The following HDAC9 variants were observed in gnomAD, a reference collection of about 807,000 sequenced individuals.
HDAC9 encodes histone deacetylase 9, also known as MEF-2 interacting transcription repressor (MITR) protein.
In HDAC9, 41 loss-of-function variants were observed where a neutral mutation model predicts 139.4. That is an observed-to-expected ratio of 0.29 (90% CI 0.23 to 0.38). The LOEUF (loss-of-function observed/expected upper bound fraction) is 0.38, where lower values mean the gene tolerates loss of function less well. HDAC9 is among the 10% of genes least tolerant of loss of function. The pLI is 1.00. For missense variants in HDAC9, 1,147 were observed against 1,297.0 expected (o/e 0.88, Z 1.78); for synonymous variants, 517 against 476.2 (o/e 1.09, Z -1.12).
intron 6 of HDAC9, among the ~76,000 whole-genome samples, chr7:18,595,349 T>A (rs1464156343): frequency 6.6e-6 from 1 of 152,012 alleles, no homozygotes; most frequent in Non-Finnish European, 1.5e-5. Context: ...CAAATCAGAG[T>A]GTCTTATAAA....
In HDAC9 at chr7:18,981,917, T is replaced by C. The variant is rs1009226416; in HGVS notation, c.3170+5964T>C. Among the ~76,000 whole-genome samples, 3 of 151,834 alleles carry C rather than the reference T, an allele frequency of 2.0e-5. No homozygotes were observed. The East Asian group carries it at 5.8e-4, about 29-fold the overall frequency. ...TCAACTATAATAAATGACAAGTCTT[T>C]GATAAGATTGAAATAGGGTCCTGCA... On this transcript the variant is annotated intron_variant, in intron 25 of 25. Coordinates refer to ENST00000686413, the MANE Select transcript of HDAC9 (RefSeq NM_178425.4).
chr7:18,830,564 G>A (rs548080667), intron 19 of HDAC9, among the ~76,000 whole-genome samples: 1 of 152,222 alleles, frequency 6.6e-6, no homozygotes, highest in East Asian at 1.9e-4. Context: ...CAGTTAAGCA[G>A]GCACACCAAA....
chr7:18,392,480 C>G (rs1786624407), intron 1 of HDAC9, among the ~76,000 whole-genome samples: 1 of 151,764 alleles, frequency 6.6e-6, no homozygotes, highest in African/African-American at 2.4e-5. Flanking sequence ...ATGTTAAAAT[C>G]CGTTACTGGT....
chr7:18,476,285 T>A (rs1363332120), intron 1 of HDAC9, among the ~76,000 whole-genome samples: 2 of 152,098 alleles, frequency 1.3e-5, no homozygotes, highest in African/African-American at 2.4e-5. Context: ...CCACAAAGAC[T>A]AGTAGATTCA....
intron 2 of HDAC9, among the ~76,000 whole-genome samples, chr7:18,546,350 G>A (rs1259198067): frequency 6.6e-6 from 1 of 152,142 alleles, no homozygotes; most frequent in Admixed American, 6.5e-5. Context: ...GTCACATCTG[G>A]ATCAAGGCAT....
intron 12 of HDAC9, among the ~76,000 whole-genome samples, chr7:18,706,146 C>T (rs1783889446): frequency 7.1e-6 from 1 of 140,862 alleles, no homozygotes; most frequent in Admixed American, 7.3e-5. Context: ...TTTTGATCCT[C>T]TCTGAAAGTT....
chr7:18,516,496 C>G (rs576435355), intron 2 of HDAC9, among the ~76,000 whole-genome samples: 1 of 152,140 alleles, frequency 6.6e-6, no homozygotes, highest in African/African-American at 2.4e-5. Flanking sequence ...ACAACTCAAC[C>G]TTCCTCTCAC....
chr7:18,242,781 G>T (rs1794268490), intron 2 of HDAC9, among the ~76,000 whole-genome samples: 1 of 151,934 alleles, frequency 6.6e-6, no homozygotes, highest in South Asian at 2.1e-4. Context: ...GTTTCTGTCA[G>T]TTCCTTAGTC....
chr7:18,856,441 C>T (rs1272003593), intron 21 of HDAC9, among the ~76,000 whole-genome samples: 1 of 152,052 alleles, frequency 6.6e-6, no homozygotes, highest in African/African-American at 2.4e-5. Context: ...ATCTCTCCAC[C>T]ACTCATGGCT....
At chr7:18,668,954 GA>G (rs921488101) in intron 12 of HDAC9, 1 of 885,688 alleles carries the variant, frequency 1.1e-6, no homozygotes, top group Non-Finnish European at 1.3e-6. Flanking sequence ...GTTGAAACAA[GA>G]AAATAAAGAC....
chr7:18,293,860 G>A (rs1003210394), intron 1 of HDAC9, among the ~76,000 whole-genome samples: 17 of 152,016 alleles, frequency 1.1e-4, no homozygotes, highest in African/African-American at 4.1e-4. Flanking sequence ...AATGCATTAT[G>A]TCACTGCTAT....
intron 13 of HDAC9, among the ~76,000 whole-genome samples, chr7:18,738,122 CT>C (rs1461795653): frequency 1.3e-5 from 2 of 152,116 alleles, no homozygotes; most frequent in African/African-American, 2.4e-5. Flanking sequence ...GTAGATCTTC[CT>C]CCATCCCTTT....
Position 18,830,697 on chromosome 7 carries a change from A to G in HDAC9, c.2466+1149A>G, listed in dbSNP as rs1334787752. The stretch of plus-strand genomic sequence containing the variant: ...TCGTTGCAATGGGTATTTTTCACAC[A>G]CTATATTGAAGCATTCCTGCAAGCA... On this transcript the variant is annotated intron_variant, in intron 19 of 25. Coordinates refer to ENST00000686413, the MANE Select transcript of HDAC9 (RefSeq NM_178425.4). 2.0e-5 allele frequency among the ~76,000 whole-genome samples: 3 copies of G among 152,168 alleles called. No individual in the cohort carries two copies. In the East Asian group the frequency reaches 5.8e-4, roughly 29 times the overall value.
At chr7:18,517,668 T>TG (rs1436728506) in intron 2 of HDAC9, 1 of 152,224 alleles carries the variant, frequency 6.6e-6, no homozygotes, top group African/African-American at 2.4e-5. Flanking sequence ...AACACGATGT[T>TG]GCAGGTAGAA....
At chr7:18,518,410 A>G (rs940358906) in intron 2 of HDAC9, among the ~76,000 whole-genome samples, 6 of 152,198 alleles carry the variant, frequency 3.9e-5, no homozygotes, top group South Asian at 4.1e-4. Context: ...TGTCAATTCC[A>G]TGTCTTAATA....
Position 18,410,630 on chromosome 7 carries a change from T to A in HDAC9, c.-41-85632T>A, listed in dbSNP as rs539351205. On this transcript the variant is annotated intron_variant, in intron 1 of 3. Transcript: ENST00000413509. Reference sequence around the variant, plus strand: ...GGCTTTTGTTAAATTAGCTTTGTTTTTAAAATCTCATTTTAAAATGTGAGA... The same window carrying A: ...GGCTTTTGTTAAATTAGCTTTGTTTATAAAATCTCATTTTAAAATGTGAGA... 1.8e-4 allele frequency among the ~76,000 whole-genome samples: 28 copies of A among 152,330 alleles called. 1 individual carries two copies. Among genetic ancestry groups the A allele is most frequent in the African/African-American group, 6.7e-4 (28 of 41,578 alleles).
chr7:18,309,064 T>G (rs571085549), intron 1 of HDAC9, among the ~76,000 whole-genome samples: 32 of 151,582 alleles, frequency 2.1e-4, no homozygotes, highest in African/African-American at 7.5e-4. Flanking sequence ...AGTCAATCCA[T>G]ATTACCCACA....
chr7:18,727,048 A>G (rs1052790223), intron 12 of HDAC9, among the ~76,000 whole-genome samples: 22 of 152,246 alleles, frequency 1.4e-4, no homozygotes, highest in Non-Finnish European at 7.3e-5. Context: ...TTTCTTCTAT[A>G]CCAATATATG....
intron 21 of HDAC9, among the ~76,000 whole-genome samples, chr7:18,858,182 G>T (rs1278363712): frequency 6.6e-6 from 1 of 152,110 alleles, no homozygotes; most frequent in Non-Finnish European, 1.5e-5. Context: ...TGTGCATATG[G>T]ATCCACATGG....
Sources: gnomAD v4.1 joint callset for allele counts (sites outside exome capture counted in the v4.1 genomes callset) on GRCh38, gnomAD v4.1.1 for gene constraint, MANE v1.5 for transcripts, NCBI Gene and HGNC (gene_info 2026-07-23, HGNC 2026-07-21) for gene names.